The following GAREM2 variants were observed in gnomAD, a reference collection of about 807,000 sequenced individuals.
GAREM2 encodes the protein GRB2-associated and regulator of MAPK protein 2.
GAREM2 carries 30 observed loss-of-function variants against 55.6 expected under a neutral mutation model. That is an observed-to-expected ratio of 0.54 (90% CI 0.40 to 0.73). The LOEUF (loss-of-function observed/expected upper bound fraction) is 0.73. Ranked by LOEUF, GAREM2 falls within the 30% of genes least tolerant of loss-of-function variation. GAREM2 has a pLI of 0.00. For synonymous variants in GAREM2, 550 were observed against 569.1 expected (o/e 0.97, Z 0.48); for missense variants, 1,075 against 1,257.7 (o/e 0.85, Z 2.20).
chr2:26,194,962 GAC>G, the GAREM2 span: 1 of 873,986 alleles, frequency 1.1e-6, no homozygotes, highest in Non-Finnish European at 1.9e-6. Context: ...CCATCCTGGA[GAC>G]AACCCAGGGG....
At chr2:26,202,046 G>A in the GAREM2 span, among the ~76,000 whole-genome samples, 3 of 149,354 alleles carry the variant, frequency 2.0e-5, no homozygotes, top group South Asian at 2.1e-4. Context: ...TGTTCCATCC[G>A]CCTCAGCCTC....
downstream of GAREM2, chr2:26,193,775 G>A (rs893811806): frequency 6.2e-7 from 1 of 1,613,674 alleles, no homozygotes; most frequent in Non-Finnish European, 8.5e-7. Context: ...ACTCCTTCCT[G>A]AACAGGAAGC....
intron 1 of GAREM2, 110 bp downstream of exon 1, chr2:26,173,442 TC>T: frequency 2.1e-6 from 1 of 474,804 alleles, no homozygotes; most frequent in Non-Finnish European, 3.1e-6. Context: ...CCCTCCCAGC[TC>T]CCCGGCGTGG....
At chr2:26,202,974 G>T in the GAREM2 span, among the ~76,000 whole-genome samples, 1 of 152,318 alleles carries the variant, frequency 6.6e-6, no homozygotes, top group African/African-American at 2.4e-5. Context: ...GACGAAAAGG[G>T]GAACCCAGGA....
chr2:26,185,003 GCGCGCCCCCGGGCTCGCC>G lies in GAREM2; in HGVS notation c.1167_1184del (p.Leu390_Gly395del), dbSNP rs1170841343. The G allele has an allele frequency of 2.7e-5, 30 of 1,106,690 alleles. No individual in the cohort carries two copies. Among genetic ancestry groups the G allele is most frequent in the Non-Finnish European group, 3.2e-5 (29 of 909,334 alleles). The allele number at this position is 1,106,690 out of a possible 1,614,324, so 68.6% of individuals were successfully genotyped here. On this transcript the variant is annotated inframe_deletion, in exon 4 of 6. Transcript: ENST00000401533. ...GCGCGCGCCTCTGCCTGCCCGCGCC[GCGCGCCCCCGGGCTCGCC>G]CGCGCCCCCGGCCCGCTAGCGCCGG...
At chr2:26,200,635 C>T in the GAREM2 span, among the ~76,000 whole-genome samples, 19 of 152,130 alleles carry the variant, frequency 1.2e-4, no homozygotes, top group African/African-American at 3.6e-4. Flanking sequence ...ATAAGGTGAA[C>T]GCACCCTCAT....
chr2:26,192,466 G>A (rs199727812), downstream of GAREM2: 22 of 1,066,484 alleles, frequency 2.1e-5, no homozygotes, highest in East Asian at 4.7e-4. Flanking sequence ...TTTGTTCTCA[G>A]GGAGGGAGTG....
intron 2 of GAREM2, 106 bp from the exon 3 acceptor site, chr2:26,182,861 G>T: frequency 1.4e-6 from 2 of 1,394,070 alleles, no homozygotes; most frequent in Non-Finnish European, 9.8e-7. Context: ...GTTCCTGAGG[G>T]GCTGGCCGAG....
downstream of GAREM2, chr2:26,191,641 A>G (rs1308904905): frequency 1.9e-6 from 3 of 1,613,704 alleles, no homozygotes; most frequent in East Asian, 2.2e-5. Context: ...GCCAACAGAA[A>G]GAGATGTTTA....
chr2:26,173,466 T>G, intron 1 of GAREM2, 134 bp downstream of exon 1: 3 of 407,144 alleles, frequency 7.4e-6, no homozygotes, highest in East Asian at 4.2e-5. Flanking sequence ...CCCGAGCGGT[T>G]CCTGGCGCGC....
At position 26,183,373 on chromosome 2, in the gene GAREM2, C is replaced by T. The variant is rs1380641660; in HGVS notation, c.384+276C>T. Among the ~76,000 whole-genome samples, 7 of 152,366 alleles carry T rather than the reference C, an allele frequency of 4.6e-5. No homozygotes were observed. In the East Asian group the frequency reaches 1.3e-3, roughly 29 times the overall value. On this transcript the variant is annotated intron_variant, in intron 3 of 5. Transcript: ENST00000401533. ...ACTTTTCAGGGCAACCTGTCCCTAGCTGCCCCAGCACCCACTTGTAGAGGC... is the reference window on the plus strand; with the variant it reads ...ACTTTTCAGGGCAACCTGTCCCTAGTTGCCCCAGCACCCACTTGTAGAGGC...
the GAREM2 span, chr2:26,195,088 T>C: frequency 1.2e-6 from 2 of 1,611,974 alleles, no homozygotes; most frequent in Non-Finnish European, 1.7e-6. Flanking sequence ...ATACAGCCCC[T>C]TACCTTAACC....
chr2:26,183,721 CAAA>C (rs1454786312), intron 3 of GAREM2, among the ~76,000 whole-genome samples: 1 of 8,452 alleles, frequency 1.2e-4, no homozygotes, highest in East Asian at 9.6e-3. Context: ...GACCCTGTCT[CAAA>C]CAAACAAACA....
At chr2:26,198,369 G>GT in the GAREM2 span, among the ~76,000 whole-genome samples, 115,823 of 146,912 alleles carry the variant, frequency 0.79, 45,485 homozygotes, top group East Asian at 0.84. Flanking sequence ...ACTTATTCAT[G>GT]TTTTTTTTTT....
intron 1 of GAREM2, among the ~76,000 whole-genome samples, chr2:26,175,853 G>A (rs141471880): frequency 1.8e-3 from 276 of 152,312 alleles, no homozygotes; most frequent in Middle Eastern, 3.4e-3. Context: ...TGACTGGGAA[G>A]CACAGCTCCA....
chr2:26,195,314 C>T, the GAREM2 span: 3 of 1,191,052 alleles, frequency 2.5e-6, no homozygotes, highest in South Asian at 2.4e-5. Context: ...TAGGAAAACA[C>T]TAGAAAGAAA....
chr2:26,194,080 G>A (rs1045050691), downstream of GAREM2, among the ~76,000 whole-genome samples: 20 of 152,198 alleles, frequency 1.3e-4, no homozygotes, highest in African/African-American at 4.8e-4. Flanking sequence ...ACGGCTGAGT[G>A]TGTCATGACC....
chr2:26,176,340 C>T lies in GAREM2; in HGVS notation c.113-4C>T. Reference sequence around the variant, plus strand: ...TCATCCTCTGTCCTCCTCCCCCTTCCCAGGGGAGTACGCCGAGGGCGTCAG... The same window carrying T: ...TCATCCTCTGTCCTCCTCCCCCTTCTCAGGGGAGTACGCCGAGGGCGTCAG... On this transcript the variant is annotated splice_region_variant and splice_polypyrimidine_tract_variant and intron_variant, in intron 1 of 5. Coordinates refer to ENST00000401533, the MANE Select transcript of GAREM2 (RefSeq NM_001168241.2). 1.3e-6 allele frequency: 2 copies of T among 1,537,426 alleles called. No homozygotes were observed. The highest frequency in any genetic ancestry group is 2.5e-5 in the East Asian group (1 of 40,306).
At chr2:26,201,477 A>G in the GAREM2 span, among the ~76,000 whole-genome samples, 1 of 152,226 alleles carries the variant, frequency 6.6e-6, no homozygotes, top group Non-Finnish European at 1.5e-5. Flanking sequence ...GTTTAGTCTT[A>G]GAGGGACCTG....
Sources: allele counts gnomAD v4.1 joint callset (sites outside exome capture counted in the v4.1 genomes callset), GRCh38; gene constraint gnomAD v4.1.1; transcripts MANE v1.5; gene names NCBI Gene and HGNC (gene_info 2026-07-23, HGNC 2026-07-21).